CD6: variants seen among roughly 807,000 people sequenced by gnomAD.
CD6 encodes CD6 molecule, also known as T-cell differentiation antigen CD6.
CD6 carries 53 observed loss-of-function variants against 75.3 expected under a neutral mutation model. That is an observed-to-expected ratio of 0.70 (90% CI 0.56 to 0.88). The LOEUF (loss-of-function observed/expected upper bound fraction) is 0.88, where lower values mean the gene tolerates loss of function less well. CD6 is among the 40% of genes least tolerant of loss of function. CD6 has a pLI of 0.00. For missense variants in CD6, 770 were observed against 897.1 expected (o/e 0.86, Z 1.81); for synonymous variants, 359 against 381.5 (o/e 0.94, Z 0.69).
chr11:60,975,444 A>G (rs1857328908), intron 1 of CD6, among the ~76,000 whole-genome samples: 2 of 152,270 alleles, frequency 1.3e-5, no homozygotes, highest in Admixed American at 1.3e-4. Flanking sequence ...TATTTTTGAT[A>G]TGATGGGCTA....
intron 5 of CD6, 53 bp from the exon 6 acceptor site, chr11:61,011,017 A>G (rs1267677240): frequency 2.0e-6 from 3 of 1,519,716 alleles, no homozygotes; most frequent in Middle Eastern, 1.7e-4. Flanking sequence ...GGCCTGGCAC[A>G]CAGTAGGTGC....
At chr11:61,011,621 T>C (rs1859159469) in intron 6 of CD6, among the ~76,000 whole-genome samples, 1 of 152,206 alleles carries the variant, frequency 6.6e-6, no homozygotes, top group African/African-American at 2.4e-5. Flanking sequence ...AGAGGTCTTA[T>C]TATAACCCTT....
chr11:61,015,857 CGAGGGCCCACCTACCTGA>C, intron 9 of CD6, 22 bp downstream of exon 9: 1 of 1,613,040 alleles, frequency 6.2e-7, no homozygotes, highest in Non-Finnish European at 8.5e-7. Flanking sequence ...GCCGGGCTCC[CGAGGGCCCACCTACCTGA>C]ATCTGGGAGG....
At chr11:60,994,201 G>A (rs978283701) in intron 1 of CD6, among the ~76,000 whole-genome samples, 5 of 152,148 alleles carry the variant, frequency 3.3e-5, no homozygotes, top group African/African-American at 1.2e-4. Context: ...AGCACTTTGG[G>A]AGGCTGAGGC....
chr11:60,981,971 A>G (rs1392206377), intron 1 of CD6, among the ~76,000 whole-genome samples: 1 of 151,078 alleles, frequency 6.6e-6, no homozygotes, highest in Non-Finnish European at 1.5e-5. Context: ...GGCACACTCA[A>G]AAGTCCGGCC....
rs911968900 is a variant in CD6 at position 60,971,721 on chromosome 11, A to G, written c.-145A>G. On this transcript the variant is annotated 5_prime_UTR_variant, in exon 1 of 13. Transcript: ENST00000313421. ...TGATCGCATGCGTGTCGGAGAGGAG[A>G]GAGCAGAGAGAGACACAGGAACAAG... The G allele has an allele frequency of 1.1e-5, 8 of 722,570 alleles. No individual in the cohort carries two copies. The East Asian group carries it at 2.2e-4, about 20-fold the overall frequency. 44.8% of individuals were successfully genotyped at this position (722,570 alleles called of 1,614,324 possible).
intron 1 of CD6, among the ~76,000 whole-genome samples, chr11:60,973,886 CCT>C (rs1857277306): frequency 6.6e-6 from 1 of 152,148 alleles, no homozygotes; most frequent in Non-Finnish European, 1.5e-5. Context: ...GAAGACTGCA[CCT>C]TCAAGCAGCC....
chr11:61,010,769 A>C (rs1859101410), intron 5 of CD6, among the ~76,000 whole-genome samples: 1 of 152,234 alleles, frequency 6.6e-6, no homozygotes, highest in African/African-American at 2.4e-5. Flanking sequence ...TTAAGAACAA[A>C]CTGAAACTGA....
Position 61,020,191 on chromosome 11 carries a change from C to A in CD6, c.*873C>A, listed in dbSNP as rs899950290. 10 of 398,590 alleles carry A rather than the reference C, an allele frequency of 2.5e-5. No individual in the cohort carries two copies. Among genetic ancestry groups the A allele is most frequent in the Non-Finnish European group, 4.0e-5 (9 of 226,086 alleles). 24.7% of individuals were successfully genotyped at this position (398,590 alleles called of 1,614,324 possible). ...GAAGGGGCTCAGAAGCTGCACTAGG[C>A]CCCGAGTCCCCATGTGTCTCCTTGA... is the stretch of plus-strand genomic sequence containing the variant. On this transcript the variant is annotated 3_prime_UTR_variant, in exon 13 of 13. Coordinates refer to ENST00000313421, the MANE Select transcript of CD6 (RefSeq NM_006725.5).
chr11:61,019,230 T>A, intron 12 of CD6, 24 bp from the exon 13 acceptor site: 1 of 1,600,018 alleles, frequency 6.2e-7, no homozygotes, highest in Non-Finnish European at 8.5e-7. Context: ...GGTCTCCCAC[T>A]AATCTGGGCC....
At position 60,974,993 on chromosome 11, in the gene CD6, G is replaced by A. The variant is rs560000568; in HGVS notation, c.49+3079G>A. On this transcript the variant is annotated intron_variant, in intron 1 of 12. Coordinates refer to ENST00000313421, the MANE Select transcript of CD6 (RefSeq NM_006725.5). ...TAATGCCAGCTGTGCTCTGGCTGGC[G>A]AGGTCCTCGAGGGCTGCCTTTGTGT... Among the ~76,000 whole-genome samples, 4 of 152,308 alleles carry A rather than the reference G, an allele frequency of 2.6e-5. No individual in the cohort carries two copies. In the East Asian group the frequency reaches 5.8e-4, roughly 22 times the overall value.
At chr11:61,011,245 C>T (rs2135183621) in intron 6 of CD6, 110 bp downstream of exon 6, 1 of 885,316 alleles carries the variant, frequency 1.1e-6, no homozygotes, top group Non-Finnish European at 1.8e-6. Context: ...TGGTTTGGTC[C>T]TCATCCTCCA....
At chr11:61,013,003 C>T (rs1228969003) in intron 6 of CD6, among the ~76,000 whole-genome samples, 1 of 152,216 alleles carries the variant, frequency 6.6e-6, no homozygotes, top group Non-Finnish European at 1.5e-5. Context: ...CCTCATCATA[C>T]TGGACTGGGT....
At chr11:60,996,267 C>T (rs1226030647) in intron 1 of CD6, among the ~76,000 whole-genome samples, 1 of 152,140 alleles carries the variant, frequency 6.6e-6, no homozygotes. Context: ...GCCTTGGGGC[C>T]TCCCCTTTCC....
Position 61,007,925 on chromosome 11 carries a change from C to G in CD6, c.469+15C>G, listed in dbSNP as rs1402038954. On this transcript the variant is annotated intron_variant, in intron 3 of 12. Transcript: ENST00000313421. The surrounding 1 kb of genome is among the most constrained non-coding windows in gnomAD (Gnocchi z 4.2). Reference sequence around the variant, plus strand: ...CACCTGTGCAGGTACGAGCGCACCCCCTACACGGGCCCCCACCTGCCCCAC... The same window carrying G: ...CACCTGTGCAGGTACGAGCGCACCCGCTACACGGGCCCCCACCTGCCCCAC... 7 of 1,303,860 alleles carry G rather than the reference C, an allele frequency of 5.4e-6. No individual in the cohort carries two copies. Among genetic ancestry groups the G allele is most frequent in the Non-Finnish European group, 6.8e-6 (7 of 1,025,498 alleles). The allele number at this position is 1,303,860 out of a possible 1,614,324, so 80.8% of individuals were successfully genotyped here.
chr11:60,992,806 C>T (rs1215517533), intron 1 of CD6, among the ~76,000 whole-genome samples: 2 of 151,226 alleles, frequency 1.3e-5, no homozygotes, highest in African/African-American at 2.4e-5. Context: ...CCAGCCTCGG[C>T]GACAGTGTGA....
intron 1 of CD6, among the ~76,000 whole-genome samples, chr11:61,005,860 G>T (rs1308013726): frequency 6.6e-6 from 1 of 152,026 alleles, no homozygotes; most frequent in African/African-American, 2.4e-5. Context: ...GAATCTGGGA[G>T]GTGGAGGTTG....
At chr11:61,016,882 A>C (rs1235766632) in intron 9 of CD6, 1 of 152,868 alleles carries the variant, frequency 6.5e-6, no homozygotes, top group African/African-American at 2.4e-5. Flanking sequence ...TTTGGGCGCC[A>C]CAGGGATGAA....
In CD6 at chr11:61,007,933, G is replaced by A. The variant is rs1428113018; in HGVS notation, c.469+23G>A. The A allele has an allele frequency of 7.8e-7, 1 of 1,283,318 alleles. No homozygotes were observed. Among genetic ancestry groups the A allele is most frequent in the Non-Finnish European group, 9.9e-7 (1 of 1,010,216 alleles). 79.5% of individuals were successfully genotyped at this position (1,283,318 alleles called of 1,614,324 possible). ...CAGGTACGAGCGCACCCCCTACACG[G>A]GCCCCCACCTGCCCCACTCCCCAGG... On this transcript the variant is annotated intron_variant, in intron 3 of 12. Coordinates refer to ENST00000313421, the MANE Select transcript of CD6 (RefSeq NM_006725.5). The surrounding 1 kb of genome is among the most constrained non-coding windows in gnomAD (Gnocchi z 4.2).
Sources: gnomAD v4.1 joint callset for allele counts (sites outside exome capture counted in the v4.1 genomes callset) on GRCh38, gnomAD v4.1.1 for gene constraint, Gnocchi (gnomAD v3.1) non-coding constraint, MANE v1.5 for transcripts, NCBI Gene and HGNC (gene_info 2026-07-23, HGNC 2026-07-21) for gene names.